GPC5: variants seen among roughly 807,000 people sequenced by gnomAD.
The protein encoded by GPC5 is glypican-5.
Under a neutral mutation model 53.9 loss-of-function variants are expected in GPC5, and 47 were observed. The ratio of observed to expected loss-of-function variants is 0.87; its 90% CI spans 0.69 to 1.11. GPC5 has a LOEUF of 1.11. GPC5 is among the 50% of genes most tolerant of loss of function. The pLI is 0.00. For missense variants in GPC5, 748 were observed against 713.1 expected, an observed-to-expected ratio of 1.05 and a Z score of -0.56; for synonymous variants, 286 against 263.3, an observed-to-expected ratio of 1.09 and a Z score of -0.84.
chr13:92,367,345 G>A (rs927361485), intron 7 of GPC5, among the ~76,000 whole-genome samples: 2 of 152,112 alleles, frequency 1.3e-5, no homozygotes, highest in African/African-American at 4.8e-5. Context: ...TTCCTTTAGA[G>A]TGACCTTCTA....
intron 2 of GPC5, among the ~76,000 whole-genome samples, chr13:91,661,575 A>G (rs916994896): frequency 2.6e-5 from 4 of 152,230 alleles, no homozygotes; most frequent in African/African-American, 9.6e-5. Context: ...GGGAAAAAAA[A>G]GTAGAACCTT....
chr13:92,259,109 G>A (rs775399812), intron 7 of GPC5, among the ~76,000 whole-genome samples: 2 of 152,202 alleles, frequency 1.3e-5, no homozygotes, highest in African/African-American at 2.4e-5. Flanking sequence ...ACCTTGGATA[G>A]ATAGAACATA....
At chr13:92,381,850 C>CATATATATG (rs1383676108) in intron 7 of GPC5, among the ~76,000 whole-genome samples, 4 of 36,836 alleles carry the variant, frequency 1.1e-4, no homozygotes, top group African/African-American at 3.8e-4. Context: ...TGTATATGAT[C>CATATATATG]ATATATGATT....
intron 7 of GPC5, among the ~76,000 whole-genome samples, chr13:92,444,181 C>A (rs1343631700): frequency 6.6e-6 from 1 of 152,038 alleles, no homozygotes; most frequent in African/African-American, 2.4e-5. Flanking sequence ...TAAATACATA[C>A]ATAGGTATAG....
chr13:92,141,074 A>G (rs978069983), intron 6 of GPC5, among the ~76,000 whole-genome samples: 2 of 152,220 alleles, frequency 1.3e-5, no homozygotes, highest in African/African-American at 2.4e-5. Context: ...TTTAAGAAGA[A>G]ATCAGGATAG....
chr13:92,419,280 T>A (rs2139359905), intron 7 of GPC5, among the ~76,000 whole-genome samples: 2 of 151,698 alleles, frequency 1.3e-5, no homozygotes, highest in South Asian at 2.1e-4. Context: ...GCAGTATTAT[T>A]TTTTTTTTCC....
At position 91,958,914 on chromosome 13, in the gene GPC5, A is replaced by C. The variant is rs563248890; in HGVS notation, c.1401+50857A>C. On this transcript the variant is annotated intron_variant, in intron 6 of 7. Transcript: ENST00000377067. ...GGGAAGCTGATAGTAATCCACACCT[A>C]CATCAGAAAAACCAGTAAGATTTCA... Among the ~76,000 whole-genome samples the C allele has an allele frequency of 5.1e-4, 77 of 152,200 alleles. 1 individual carries two copies. The highest frequency in any genetic ancestry group is 1.8e-3 in the African/African-American group (73 of 41,560).
intron 5 of GPC5, among the ~76,000 whole-genome samples, chr13:91,757,604 C>T (rs2037322909): frequency 6.6e-6 from 1 of 152,120 alleles, no homozygotes; most frequent in African/African-American, 2.4e-5. Context: ...ACATATACTT[C>T]TCTTTGCTGC....
intron 7 of GPC5, among the ~76,000 whole-genome samples, chr13:92,286,678 T>A (rs569548249): frequency 7.3e-6 from 1 of 136,338 alleles, no homozygotes; most frequent in South Asian, 2.2e-4. Flanking sequence ...AGGTGGGAAT[T>A]GAACAATGAG....
intron 7 of GPC5, among the ~76,000 whole-genome samples, chr13:92,802,876 A>T (rs1342624728): frequency 2.0e-5 from 3 of 151,964 alleles, no homozygotes. Flanking sequence ...TGCTATGAAC[A>T]TTGCAAAGTT....
At chr13:92,355,919 G>C (rs903100219) in intron 7 of GPC5, among the ~76,000 whole-genome samples, 1 of 114,694 alleles carries the variant, frequency 8.7e-6, no homozygotes. Context: ...TGCTTTCCTC[G>C]TTTTCCTCAT....
intron 6 of GPC5, among the ~76,000 whole-genome samples, chr13:92,024,765 A>C (rs888588801): frequency 2.0e-5 from 3 of 152,294 alleles, no homozygotes; most frequent in Admixed American, 2.0e-4. Context: ...CTCTTACCTC[A>C]AAAGATTTAA....
At chr13:91,401,593 T>G (rs1434186970) in intron 1 of GPC5, among the ~76,000 whole-genome samples, 1 of 152,218 alleles carries the variant, frequency 6.6e-6, no homozygotes, top group African/African-American at 2.4e-5. Context: ...GAAGTACGTA[T>G]TTTTACTGCT....
At chr13:92,309,480 G>C (rs931106884) in intron 7 of GPC5, among the ~76,000 whole-genome samples, 1 of 152,020 alleles carries the variant, frequency 6.6e-6, no homozygotes, top group Non-Finnish European at 1.5e-5. Flanking sequence ...TAGTATGTCT[G>C]TCACTATTGA....
Position 91,895,638 on chromosome 13 carries a change from C to CTT in GPC5, c.1281-12287_1281-12286dup, listed in dbSNP as rs1277407427. Among the ~76,000 whole-genome samples the CTT allele has an allele frequency of 4.1e-3, 583 of 143,396 alleles. 6 individuals are homozygous for CTT. The highest frequency in any genetic ancestry group is 0.014 in the African/African-American group (567 of 39,466). The allele number at this position is 143,396 out of a possible 152,430, so 94.1% of individuals were successfully genotyped here. A position where few individuals can be genotyped will look rare whatever the true frequency, so the allele number is the denominator to read the frequency against. On this transcript the variant is annotated intron_variant, in intron 5 of 7. Transcript: ENST00000377067. ...GTTTTATCTTTTTCTCTCTTTCTTT[C>CTT]TTTTTTTTTTTTTCTTTAACATGAC...
At chr13:92,637,669 A>C (rs1885451890) in intron 7 of GPC5, among the ~76,000 whole-genome samples, 1 of 152,202 alleles carries the variant, frequency 6.6e-6, no homozygotes, top group African/African-American at 2.4e-5. Flanking sequence ...TCCCAGAATA[A>C]AGCTTAACTA....
intron 7 of GPC5, among the ~76,000 whole-genome samples, chr13:92,705,315 G>A (rs545663877): frequency 2.6e-5 from 4 of 151,948 alleles, no homozygotes; most frequent in East Asian, 1.9e-4. Context: ...ATTTTACTTC[G>A]TTTTTGTCAA....
chr13:91,497,598 A>G (rs977538799), intron 2 of GPC5, among the ~76,000 whole-genome samples: 13 of 152,166 alleles, frequency 8.5e-5, no homozygotes, highest in African/African-American at 2.7e-4. Context: ...ATTAGTCCAT[A>G]GAAACCTGTA....
chr13:91,447,911 A>T (rs564243621), intron 1 of GPC5, among the ~76,000 whole-genome samples: 1 of 152,074 alleles, frequency 6.6e-6, no homozygotes, highest in Non-Finnish European at 1.5e-5. Context: ...AGCTCTCTCC[A>T]TCAGGGTTTC....
Sources: gnomAD v4.1 joint callset for allele counts (sites outside exome capture counted in the v4.1 genomes callset) on GRCh38, gnomAD v4.1.1 for gene constraint, MANE v1.5 for transcripts, NCBI Gene and HGNC (gene_info 2026-07-23, HGNC 2026-07-21) for gene names.